Variants in CEP170 observed in about 807,000 individuals in gnomAD.
The protein encoded by CEP170 is centrosomal protein 170.
Under a neutral mutation model 151.9 loss-of-function variants are expected in CEP170, and 21 were observed. That is an observed-to-expected ratio of 0.14 (90% CI 0.10 to 0.20). CEP170 has a LOEUF of 0.20. Among genes scored for constraint, CEP170 ranks in the 10% least tolerant of loss-of-function variants. CEP170 has a pLI of 1.00. For synonymous variants in CEP170, 356 were observed against 648.8 expected (o/e 0.55, Z 6.86); for missense variants, 964 against 1,892.9 (o/e 0.51, Z 9.11).
chr1:243,128,436 T>C (rs1289707636), intron 18 of CEP170, 136 bp from the exon 19 acceptor site: 6 of 554,680 alleles, frequency 1.1e-5, no homozygotes, highest in Non-Finnish European at 1.8e-5. Context: ...AATAGCAACA[T>C]GATATGAAAT....
At chr1:243,202,730 T>C (rs1056237149) in intron 4 of CEP170, among the ~76,000 whole-genome samples, 3 of 152,128 alleles carry the variant, frequency 2.0e-5, no homozygotes, top group African/African-American at 7.2e-5. Flanking sequence ...TAATACTGTC[T>C]AGTAACTTTG....
intron 10 of CEP170, among the ~76,000 whole-genome samples, chr1:243,181,541 A>AAT (rs1558522198): frequency 1.3e-5 from 2 of 152,158 alleles, no homozygotes. Flanking sequence ...AGCACAGAAA[A>AAT]ATAAGGATAC....
intron 14 of CEP170, among the ~76,000 whole-genome samples, chr1:243,153,302 G>A (rs569412180): frequency 1.3e-5 from 2 of 152,266 alleles, no homozygotes; most frequent in African/African-American, 4.8e-5. Context: ...TGACAACAAA[G>A]GATTCAGAAT....
At chr1:243,211,797 T>C (rs2061831010) in intron 4 of CEP170, 89 bp downstream of exon 4, 1 of 1,426,026 alleles carries the variant, frequency 7.0e-7, no homozygotes, top group East Asian at 2.5e-5. Flanking sequence ...CATATCTATA[T>C]TGTGAATTGT....
chr1:243,134,259 C>G (rs1440190651), intron 17 of CEP170, among the ~76,000 whole-genome samples: 2 of 151,988 alleles, frequency 1.3e-5, no homozygotes, highest in African/African-American at 4.8e-5. Context: ...TTTGTTTTGT[C>G]AATGTCTAAT....
rs1162150482 is a variant in CEP170, at chr1:243,215,187, G to A, written c.196-3223C>T. Among the ~76,000 whole-genome samples the A allele has an allele frequency of 5.3e-5, 8 of 152,104 alleles. No individual in the cohort carries two copies. In the South Asian group the frequency reaches 6.2e-4, roughly 12 times the overall value. On this transcript the variant is annotated intron_variant, in intron 3 of 19. Coordinates refer to ENST00000366542, the MANE Select transcript of CEP170 (RefSeq NM_014812.3). ...TCTCTTAATCCCGTCATCTTCGTAA[G>A]CTGAGGATGTATGTCGCCTCAGGAC...
chr1:243,253,847 T>C (rs1447839173), intron 1 of CEP170, among the ~76,000 whole-genome samples: 1 of 152,208 alleles, frequency 6.6e-6, no homozygotes, highest in Non-Finnish European at 1.5e-5. Flanking sequence ...CAATCAAATG[T>C]ATCATCTGCT....
intron 7 of CEP170, among the ~76,000 whole-genome samples, chr1:243,193,388 T>C (rs1382378038): frequency 6.6e-6 from 1 of 151,942 alleles, no homozygotes; most frequent in Non-Finnish European, 1.5e-5. Context: ...AGTTTGTTTT[T>C]GCTTTGCTCA....
chr1:243,149,821 CAACT>C (rs1278418145), intron 14 of CEP170, among the ~76,000 whole-genome samples: 27 of 152,042 alleles, frequency 1.8e-4, no homozygotes, highest in Admixed American at 1.8e-3. Context: ...TGAATTCTGA[CAACT>C]AAATTAAATT....
At chr1:243,254,412 C>A (rs540260577) in intron 1 of CEP170, 1 of 152,242 alleles carries the variant, frequency 6.6e-6, no homozygotes, top group African/African-American at 2.4e-5. Flanking sequence ...TCTCCTCCCC[C>A]GGGTTTACTA....
chr1:243,193,736 A>G (rs1195505926), intron 7 of CEP170, among the ~76,000 whole-genome samples: 1 of 152,040 alleles, frequency 6.6e-6, no homozygotes, highest in Non-Finnish European at 1.5e-5. Flanking sequence ...TCTGATGATC[A>G]TAACCAGGCA....
At chr1:243,253,113 T>C (rs1327596928) in intron 1 of CEP170, 1 of 152,226 alleles carries the variant, frequency 6.6e-6, no homozygotes, top group African/African-American at 2.4e-5. Flanking sequence ...GTTAAGTAGC[T>C]ACCATTAGGT....
chr1:243,128,144 T>A (rs2053923231), intron 19 of CEP170, 105 bp downstream of exon 19: 2 of 999,510 alleles, frequency 2.0e-6, no homozygotes, highest in Non-Finnish European at 2.8e-6. Context: ...TGTATGTCAT[T>A]ACATTTAATC....
At position 243,138,221 on chromosome 1, in the gene CEP170, T is replaced by C. The variant is rs191451295; in HGVS notation, c.4230+1716A>G. Among the ~76,000 whole-genome samples the C allele has an allele frequency of 1.1e-3, 163 of 152,354 alleles. 2 individuals carry two copies. Among genetic ancestry groups the C allele is most frequent in the African/African-American group, 3.7e-3 (155 of 41,588 alleles). ...ACACTTCTTCCACATAGTTTTTTATTATGTTTGGAGAAATTTGTCTTCCTA... is the reference window on the plus strand; with the variant it reads ...ACACTTCTTCCACATAGTTTTTTATCATGTTTGGAGAAATTTGTCTTCCTA... On this transcript the variant is annotated intron_variant, in intron 16 of 19. Transcript: ENST00000366542.
At chr1:243,254,697 G>A (rs1422358637) in intron 1 of CEP170, among the ~76,000 whole-genome samples, 2 of 149,092 alleles carry the variant, frequency 1.3e-5, no homozygotes, top group African/African-American at 2.5e-5. Context: ...AAAGCCAGTC[G>A]AAAGCTGAAA....
chr1:243,211,297 T>TG (rs2061783579), intron 4 of CEP170: 1 of 152,274 alleles, frequency 6.6e-6, no homozygotes, highest in African/African-American at 2.4e-5. Context: ...GTCATGTCCT[T>TG]GTTCAATTAT....
In CEP170 at chr1:243,140,024, G is replaced by T; in HGVS notation, c.4143C>A (p.Asn1381Lys). The change falls in exon 16 of 20, where the codon AAC (asparagine) becomes AAA (lysine). Residue 1381 changes from asparagine (N) to lysine (K), a missense_variant. Physicochemically the swap from Asn to Lys is moderately conservative, Grantham distance 94. Coordinates refer to ENST00000366542, the MANE Select transcript of CEP170 (RefSeq NM_014812.3). ...LVHSKTPEGN[N>K]GRSGDPRPQA... ...GAGGTCTTGGATCACCAGATCGACC[G>T]TTGTTTCCTTCTGGTGTTTTGGAAT... 6.2e-7 allele frequency: 1 copy of T among 1,613,930 alleles called. No individual in the cohort carries two copies. Among genetic ancestry groups the T allele is most frequent in the Middle Eastern group, 1.6e-4 (1 of 6,062 alleles).
intron 3 of CEP170, 148 bp downstream of exon 3, chr1:243,221,576 C>T (rs994127759): frequency 1.8e-5 from 13 of 711,872 alleles, no homozygotes; most frequent in Middle Eastern, 2.9e-4. Context: ...ATTGGATGGT[C>T]CCCAAAGTGC....
At chr1:243,237,277 T>G (rs970774670) in intron 1 of CEP170, among the ~76,000 whole-genome samples, 3 of 152,194 alleles carry the variant, frequency 2.0e-5, no homozygotes, top group Admixed American at 2.0e-4. Context: ...ATGGAAATAT[T>G]CCTGTCCAAT....
Sources: allele counts gnomAD v4.1 joint callset (sites outside exome capture counted in the v4.1 genomes callset), GRCh38; gene constraint gnomAD v4.1.1; transcripts MANE v1.5; gene names NCBI Gene and HGNC (gene_info 2026-07-23, HGNC 2026-07-21).